Variants in PTPRJ observed in about 807,000 individuals in gnomAD.
The protein encoded by PTPRJ is receptor-type tyrosine-protein phosphatase eta.
Under a neutral mutation model 141.3 loss-of-function variants are expected in PTPRJ, and 129 were observed. That is an observed-to-expected ratio of 0.91 (90% CI 0.79 to 1.06). PTPRJ has a LOEUF of 1.06. Ranked by LOEUF, PTPRJ falls within the 50% of genes least tolerant of loss-of-function variation. The probability of loss-of-function intolerance (pLI) is 0.00; values close to 1 mark genes in which losing one functional copy is unlikely to be tolerated. For synonymous variants in PTPRJ, 610 were observed against 640.5 expected (o/e 0.95, Z 0.72); for missense variants, 1,601 against 1,679.7 (o/e 0.95, Z 0.82).
chr11:48,069,683 C>A (rs540107528), intron 1 of PTPRJ, among the ~76,000 whole-genome samples: 3 of 152,076 alleles, frequency 2.0e-5, no homozygotes, highest in Admixed American at 1.3e-4. Flanking sequence ...GATCTCCTGA[C>A]CTCGTGATCC....
intron 1 of PTPRJ, among the ~76,000 whole-genome samples, chr11:48,002,843 TGACACC>T (rs1202664306): frequency 6.6e-6 from 1 of 152,150 alleles, no homozygotes; most frequent in East Asian, 1.9e-4. Flanking sequence ...AGTGTTTATG[TGACACC>T]GAGCAGCTTC....
chr11:47,983,122 G>C (rs1309865127), intron 1 of PTPRJ, among the ~76,000 whole-genome samples: 2 of 152,110 alleles, frequency 1.3e-5, no homozygotes, highest in African/African-American at 4.8e-5. Context: ...ACCCAGCAAG[G>C]TATTAGAGAA....
chr11:48,137,297 A>G lies in PTPRJ; in HGVS notation c.2152+16A>G, dbSNP rs113757845. 2.6e-3 allele frequency: 4,168 copies of G among 1,607,806 alleles called. 96 individuals carry two copies. The African/African-American group carries it at 0.047, about 18-fold the overall frequency. On this transcript the variant is annotated intron_variant, in intron 10 of 24. Coordinates refer to ENST00000418331, the MANE Select transcript of PTPRJ (RefSeq NM_002843.4). ...TTCTGTACAGGTGAGTGTAGCCCCA[A>G]CTGCCTCTTGGACTCCTCCCTGAGT...
chr11:48,028,567 G>C (rs1291891312), intron 1 of PTPRJ, among the ~76,000 whole-genome samples: 1 of 152,194 alleles, frequency 6.6e-6, no homozygotes, highest in East Asian at 1.9e-4. Context: ...GAGGTGGGTG[G>C]CTCACCTGAG....
chr11:48,022,029 C>T (rs897570183), intron 1 of PTPRJ, among the ~76,000 whole-genome samples: 5 of 152,126 alleles, frequency 3.3e-5, no homozygotes, highest in East Asian at 1.9e-4. Flanking sequence ...ACTTAATCTC[C>T]GTGCCTCAAT....
intron 18 of PTPRJ, 65 bp from the exon 19 acceptor site, chr11:48,153,731 C>G: frequency 9.2e-7 from 1 of 1,090,312 alleles, no homozygotes; most frequent in Non-Finnish European, 1.4e-6. Flanking sequence ...CTGTCATATG[C>G]TATGCTAAAT....
At chr11:48,125,217 CAG>C in intron 6 of PTPRJ, 31 bp downstream of exon 6, 3 of 1,602,584 alleles carry the variant, frequency 1.9e-6, no homozygotes, top group Non-Finnish European at 1.7e-6. Context: ...TGGTGGCAGC[CAG>C]AGTTTCCTAG....
chr11:48,069,176 T>A (rs1590463061), intron 1 of PTPRJ, among the ~76,000 whole-genome samples: 1 of 151,870 alleles, frequency 6.6e-6, no homozygotes, highest in African/African-American at 2.4e-5. Flanking sequence ...CTCGGCTAAT[T>A]GCAACCTCCG....
At chr11:48,031,371 C>T (rs1853979103) in intron 1 of PTPRJ, among the ~76,000 whole-genome samples, 1 of 152,132 alleles carries the variant, frequency 6.6e-6, no homozygotes, top group Non-Finnish European at 1.5e-5. Context: ...CTGAGCTTTC[C>T]ACATCAGTAA....
chr11:48,028,409 T>C (rs571313536), intron 1 of PTPRJ, among the ~76,000 whole-genome samples: 2 of 152,330 alleles, frequency 1.3e-5, no homozygotes, highest in East Asian at 3.9e-4. Flanking sequence ...AGATTTGTTT[T>C]AAAACCTTGT....
At chr11:48,086,749 G>A (rs1855724563) in intron 1 of PTPRJ, among the ~76,000 whole-genome samples, 1 of 152,244 alleles carries the variant, frequency 6.6e-6, no homozygotes. Context: ...GTGTGTGTGT[G>A]TGTTTTAGTT....
chr11:47,998,645 A>G (rs1380194970), intron 1 of PTPRJ, among the ~76,000 whole-genome samples: 1 of 152,202 alleles, frequency 6.6e-6, no homozygotes, highest in Non-Finnish European at 1.5e-5. Context: ...AGATTCCGTG[A>G]AAAAATGTAT....
chr11:48,135,988 G>A, intron 8 of PTPRJ, 51 bp from the exon 9 acceptor site: 1 of 1,582,000 alleles, frequency 6.3e-7, no homozygotes, highest in Non-Finnish European at 8.6e-7. Flanking sequence ...AGAGGAAGCT[G>A]GGCGTCATGA....
At chr11:48,038,117 G>T (rs1235882630) in intron 1 of PTPRJ, among the ~76,000 whole-genome samples, 2 of 152,020 alleles carry the variant, frequency 1.3e-5, no homozygotes, top group African/African-American at 4.8e-5. Flanking sequence ...TGGTATTACG[G>T]TTATTTGTGT....
Position 48,127,779 on chromosome 11 carries a change from G to C in PTPRJ, c.1094-1G>C, listed in dbSNP as rs1317465524. ...TTTGAACTCCTCTTGTGTTCTCACA[G>C]ATGCTATTCAGGTTTTTGACGTCAC... is the stretch of plus-strand genomic sequence containing the variant. On this transcript the variant is annotated splice_acceptor_variant, in intron 6 of 24. Transcript: ENST00000418331. LOFTEE classifies it high-confidence loss of function. The C allele has an allele frequency of 6.2e-7, 1 of 1,613,816 alleles. No individual in the cohort carries two copies. The highest frequency in any genetic ancestry group is 8.5e-7 in the Non-Finnish European group (1 of 1,179,726).
intron 15 of PTPRJ, among the ~76,000 whole-genome samples, chr11:48,148,570 T>TG (rs1857405831): frequency 1.3e-5 from 2 of 152,170 alleles, no homozygotes; most frequent in Admixed American, 1.3e-4. Context: ...CCCAAGTAGC[T>TG]GGGATTACAG....
At chr11:47,992,877 A>G (rs1043387822) in intron 1 of PTPRJ, among the ~76,000 whole-genome samples, 1 of 152,168 alleles carries the variant, frequency 6.6e-6, no homozygotes, top group Admixed American at 6.5e-5. Flanking sequence ...TGTATACTAA[A>G]TTGCATATAA....
chr11:48,087,967 A>G (rs1855760231), intron 1 of PTPRJ, among the ~76,000 whole-genome samples: 2 of 152,198 alleles, frequency 1.3e-5, no homozygotes, highest in Admixed American at 1.3e-4. Flanking sequence ...CCTAAGTAAT[A>G]TCAGCTGTTG....
At chr11:47,994,772 G>C (rs1265061292) in intron 1 of PTPRJ, among the ~76,000 whole-genome samples, 2 of 152,176 alleles carry the variant, frequency 1.3e-5, no homozygotes, top group African/African-American at 4.8e-5. Context: ...CTTGCTGGAG[G>C]GTCTCTGTTG....
Sources: allele counts gnomAD v4.1 joint callset (sites outside exome capture counted in the v4.1 genomes callset), GRCh38; gene constraint gnomAD v4.1.1; transcripts MANE v1.5; gene names NCBI Gene and HGNC (gene_info 2026-07-23, HGNC 2026-07-21).